The following CADPS variants were observed in gnomAD, a reference collection of about 807,000 sequenced individuals.
CADPS encodes calcium-dependent secretion activator 1.
Under a neutral mutation model 167.3 loss-of-function variants are expected in CADPS, and 57 were observed. That is an observed-to-expected ratio of 0.34 (90% confidence interval 0.28 to 0.42). CADPS has a LOEUF of 0.42. Ranked by LOEUF, CADPS falls within the 20% of genes least tolerant of loss-of-function variation. The pLI is 1.00. For synonymous variants in CADPS, 676 were observed against 635.3 expected, an observed-to-expected ratio of 1.06 and a Z score of -0.96; for missense variants, 1,414 against 1,738.1, an observed-to-expected ratio of 0.81 and a Z score of 3.32.
At chr3:62,442,704 C>T (rs534683231) in intron 27 of CADPS, among the ~76,000 whole-genome samples, 1 of 152,236 alleles carries the variant, frequency 6.6e-6, no homozygotes, top group African/African-American at 2.4e-5. Context: ...AGCTACTCTA[C>T]CACACCCCTG....
At chr3:62,751,810 G>A (rs1042405871) in intron 3 of CADPS, among the ~76,000 whole-genome samples, 9 of 151,636 alleles carry the variant, frequency 5.9e-5, no homozygotes, top group East Asian at 1.9e-4. Flanking sequence ...TTTCTATTTC[G>A]CAAAAAAGAT....
chr3:62,670,429 A>T lies in CADPS; in HGVS notation c.889-8035T>A, dbSNP rs530183689. ...TCTGTGGAAGAGTTAAAATAAGATC[A>T]TTTGTGTCTTTCTTTATCATGCCTT... On this transcript the variant is annotated intron_variant, in intron 3 of 29. Transcript: ENST00000383710. 2.0e-4 allele frequency among the ~76,000 whole-genome samples: 30 copies of T among 152,268 alleles called. 1 individual carries two copies. The South Asian group carries it at 3.7e-3, about 19-fold the overall frequency.
chr3:62,588,457 A>G (rs1473693144), intron 7 of CADPS, among the ~76,000 whole-genome samples: 2 of 152,100 alleles, frequency 1.3e-5, no homozygotes, highest in Non-Finnish European at 2.9e-5. Context: ...CAGAGGGCCT[A>G]CAATCCTATA....
intron 3 of CADPS, 67 bp from the exon 4 acceptor site, chr3:62,662,461 C>T (rs1383561878): frequency 7.6e-7 from 1 of 1,315,026 alleles, no homozygotes; most frequent in African/African-American, 1.4e-5. Context: ...TCAGGACATT[C>T]CATTTTATAC....
intron 1 of CADPS, among the ~76,000 whole-genome samples, chr3:62,846,967 G>A (rs1371244580): frequency 6.6e-6 from 1 of 152,086 alleles, no homozygotes; most frequent in Non-Finnish European, 1.5e-5. Flanking sequence ...TCGCCCGGCT[G>A]GAGGTGGGTC....
intron 1 of CADPS, among the ~76,000 whole-genome samples, chr3:62,783,068 C>T (rs2091941504): frequency 6.6e-6 from 1 of 152,050 alleles, no homozygotes; most frequent in African/African-American, 2.4e-5. Flanking sequence ...CCTAGTCTAG[C>T]ATTTTTTAAT....
At chr3:62,653,752 T>C (rs965793339) in intron 4 of CADPS, among the ~76,000 whole-genome samples, 1 of 152,168 alleles carries the variant, frequency 6.6e-6, no homozygotes, top group Non-Finnish European at 1.5e-5. Context: ...AGGAGGTAGA[T>C]AGATGATAAA....
intron 1 of CADPS, among the ~76,000 whole-genome samples, chr3:62,792,180 T>C (rs1220953943): frequency 6.6e-6 from 1 of 151,696 alleles, no homozygotes; most frequent in African/African-American, 2.4e-5. Context: ...TCAATTCATG[T>C]GACTAATGAA....
chr3:62,801,678 G>T (rs189344657), intron 1 of CADPS, among the ~76,000 whole-genome samples: 1 of 152,170 alleles, frequency 6.6e-6, no homozygotes, highest in East Asian at 1.9e-4. Flanking sequence ...GCCAATATGT[G>T]CCAGGTGTTG....
Position 62,720,919 on chromosome 3 carries a change from C to G in CADPS, c.888+32522G>C, listed in dbSNP as rs2075668327. On this transcript the variant is annotated intron_variant, in intron 3 of 29. Transcript: ENST00000383710. ...TGCAAGCTCCGCCTCCCAGGTTCAC[C>G]CCATTCTCCTGCCTCAGCCTCCTGA... 1.3e-5 allele frequency among the ~76,000 whole-genome samples: 2 copies of G among 150,552 alleles called. 1 individual carries two copies. Among genetic ancestry groups the G allele is most frequent in the South Asian group, 4.2e-4 (2 of 4,762 alleles).
intron 6 of CADPS, chr3:62,625,109 T>A (rs2063815286): frequency 6.7e-6 from 1 of 150,300 alleles, no homozygotes; most frequent in Admixed American, 6.6e-5. Flanking sequence ...CCTTTGTTAG[T>A]CTGAGGCCCC....
intron 1 of CADPS, among the ~76,000 whole-genome samples, chr3:62,799,097 A>T (rs2093619105): frequency 6.6e-6 from 1 of 152,136 alleles, no homozygotes; most frequent in Admixed American, 6.6e-5. Flanking sequence ...TATGTGTGTC[A>T]TGTGTGCCTA....
At chr3:62,485,443 A>C (rs758355428) in intron 21 of CADPS, among the ~76,000 whole-genome samples, 5 of 152,218 alleles carry the variant, frequency 3.3e-5, no homozygotes, top group Non-Finnish European at 5.9e-5. Context: ...ATGACCCCTT[A>C]GTGGAAATTG....
intron 28 of CADPS, among the ~76,000 whole-genome samples, chr3:62,432,514 G>A (rs1433315443): frequency 6.6e-6 from 1 of 152,132 alleles, no homozygotes; most frequent in African/African-American, 2.4e-5. Flanking sequence ...TTAAAGTGAT[G>A]GGGAGACTCA....
chr3:62,558,803 A>G (rs551039098), intron 9 of CADPS, among the ~76,000 whole-genome samples: 2 of 152,276 alleles, frequency 1.3e-5, no homozygotes, highest in East Asian at 1.9e-4. Context: ...TTTATAATGT[A>G]TAGGGTTTGC....
At chr3:62,537,177 G>A (rs927797546) in intron 11 of CADPS, among the ~76,000 whole-genome samples, 2 of 152,122 alleles carry the variant, frequency 1.3e-5, no homozygotes, top group Non-Finnish European at 2.9e-5. Context: ...TAAGTTAAAT[G>A]GGAATTTAGT....
chr3:62,676,639 A>ACCT (rs1325090322), intron 3 of CADPS, among the ~76,000 whole-genome samples: 1 of 152,006 alleles, frequency 6.6e-6, no homozygotes, highest in Non-Finnish European at 1.5e-5. Context: ...ATGGTGTTTC[A>ACCT]CCTCCTTTTA....
chr3:62,580,936 G>A (rs1266523642), intron 8 of CADPS, among the ~76,000 whole-genome samples: 2 of 152,136 alleles, frequency 1.3e-5, no homozygotes, highest in Non-Finnish European at 2.9e-5. Context: ...ATCTTATGCT[G>A]GATTTGGCAT....
intron 28 of CADPS, among the ~76,000 whole-genome samples, chr3:62,416,744 G>A (rs992616209): frequency 3.9e-5 from 6 of 152,160 alleles, no homozygotes; most frequent in South Asian, 2.1e-4. Context: ...GAAAACTGGA[G>A]GTTCTTCCTG....
Sources: gnomAD v4.1 joint callset for allele counts (sites outside exome capture counted in the v4.1 genomes callset) on GRCh38, gnomAD v4.1.1 for gene constraint, MANE v1.5 for transcripts, NCBI Gene and HGNC (gene_info 2026-07-23, HGNC 2026-07-21) for gene names.